The following SH3GL2 variants were observed in gnomAD, a reference collection of about 807,000 sequenced individuals.
SH3GL2 encodes SH3 domain containing GRB2 like 2, endophilin A1.
In SH3GL2, 24 loss-of-function variants were observed where a neutral mutation model predicts 46.0. That is an observed-to-expected ratio of 0.52 (90% CI 0.38 to 0.73). The LOEUF (loss-of-function observed/expected upper bound fraction) is 0.73. Ranked by LOEUF, SH3GL2 falls within the 30% of genes least tolerant of loss-of-function variation. The pLI, the probability that SH3GL2 is intolerant of heterozygous loss-of-function variation, is 0.00. For synonymous variants in SH3GL2, 196 were observed against 147.1 expected (o/e 1.33, Z -2.40); for missense variants, 413 against 424.2 (o/e 0.97, Z 0.23).
chr9:17,748,093 A>C (rs571670273), intron 2 of SH3GL2, among the ~76,000 whole-genome samples: 1 of 152,366 alleles, frequency 6.6e-6, no homozygotes, highest in South Asian at 2.1e-4. Flanking sequence ...GTTCTCAGCA[A>C]GTGAGGGTAG....
intron 2 of SH3GL2, among the ~76,000 whole-genome samples, chr9:17,756,447 G>GTA (rs1822990819): frequency 6.6e-6 from 1 of 150,732 alleles, no homozygotes; most frequent in African/African-American, 2.4e-5. Flanking sequence ...TTTACATTAG[G>GTA]TATATCTCCT....
intron 1 of SH3GL2, among the ~76,000 whole-genome samples, chr9:17,585,701 C>G (rs1818362691): frequency 6.6e-6 from 1 of 152,132 alleles, no homozygotes; most frequent in African/African-American, 2.4e-5. Context: ...CAGTGCAGTT[C>G]ACAGTGCGTT....
chr9:17,693,235 A>C (rs539795669), intron 1 of SH3GL2, among the ~76,000 whole-genome samples: 1 of 152,182 alleles, frequency 6.6e-6, no homozygotes, highest in African/African-American at 2.4e-5. Flanking sequence ...ATGTTTGGAC[A>C]CATGGATCAG....
intron 2 of SH3GL2, among the ~76,000 whole-genome samples, chr9:17,750,300 C>A (rs1822806508): frequency 6.6e-6 from 1 of 151,820 alleles, no homozygotes; most frequent in African/African-American, 2.4e-5. Flanking sequence ...CTTTGCTCAT[C>A]TGTATTCTCG....
intron 1 of SH3GL2, among the ~76,000 whole-genome samples, chr9:17,596,998 T>A (rs952830016): frequency 6.6e-6 from 1 of 152,288 alleles, no homozygotes; most frequent in African/African-American, 2.4e-5. Flanking sequence ...CTGAGATAAA[T>A]AATTTCTGTG....
At chr9:17,774,204 C>A (rs757722148) in intron 3 of SH3GL2, among the ~76,000 whole-genome samples, 1 of 152,054 alleles carries the variant, frequency 6.6e-6, no homozygotes, top group African/African-American at 2.4e-5. Context: ...TGTGGGAAAT[C>A]TTTAGAGATT....
chr9:17,762,286 C>A (rs958126532), intron 3 of SH3GL2, among the ~76,000 whole-genome samples: 4 of 151,376 alleles, frequency 2.6e-5, no homozygotes, highest in Non-Finnish European at 4.4e-5. Context: ...AGGCTAGTTT[C>A]TTTGCAAGTT....
rs1046528651 is a variant in SH3GL2, at chr9:17,651,646, T to A, written c.45+72359T>A. ...GTGATAAATTCTTTCTGCTTTTGTC[T>A]GTTTAAGGAAGTCTTTATTTTGCTT... is the stretch of plus-strand genomic sequence containing the variant. On this transcript the variant is annotated intron_variant, in intron 1 of 8. Coordinates refer to ENST00000380607, the MANE Select transcript of SH3GL2 (RefSeq NM_003026.5). 4.0e-4 allele frequency among the ~76,000 whole-genome samples: 61 copies of A among 152,344 alleles called. 1 individual carries two copies. The highest frequency in any genetic ancestry group is 7.1e-4 in the Non-Finnish European group (48 of 68,030).
At position 17,787,509 on chromosome 9, in the gene SH3GL2, T is replaced by C. The variant is rs758639212; in HGVS notation, c.461T>C (p.Ile154Thr). The change falls in exon 5 of 9, where the codon ATT becomes ACT. Residue 154 changes from isoleucine to threonine, a missense_variant. Ile to Thr is a moderately conservative substitution (Grantham distance 89). Coordinates refer to ENST00000380607, the MANE Select transcript of SH3GL2 (RefSeq NM_003026.5). ...CTTCATGACAAAGATCTTAGGGAAA[T>C]TCAAGTATGTACAATGAGTCTTCTG... ...QNLHDKDLREIQHHLKKLEGR... is the reference protein window; with the variant it reads ...QNLHDKDLRETQHHLKKLEGR... 5 of 1,612,314 alleles carry C rather than the reference T, an allele frequency of 3.1e-6. No individual in the cohort carries two copies. In the Admixed American group the frequency reaches 6.7e-5, roughly 22 times the overall value.
chr9:17,739,282 A>G (rs934402788), intron 1 of SH3GL2, among the ~76,000 whole-genome samples: 2 of 152,014 alleles, frequency 1.3e-5, no homozygotes, highest in African/African-American at 2.4e-5. Flanking sequence ...GAAATCCCAA[A>G]GTAATTATTA....
At chr9:17,655,319 C>G (rs1588209130) in intron 1 of SH3GL2, among the ~76,000 whole-genome samples, 2 of 151,982 alleles carry the variant, frequency 1.3e-5, no homozygotes, top group South Asian at 2.1e-4. Context: ...GTGTTTTGTC[C>G]CTCCCTCTTC....
At chr9:17,754,752 G>C (rs147401682) in intron 2 of SH3GL2, among the ~76,000 whole-genome samples, 1,563 of 152,264 alleles carry the variant, frequency 0.01, 26 homozygotes, top group African/African-American at 0.036. Context: ...TGTGGCAATT[G>C]TGAAGGAGAT....
rs368956071 is a variant in SH3GL2, at chr9:17,746,160, C to T, written c.46-906C>T. 8.5e-5 allele frequency among the ~76,000 whole-genome samples: 13 copies of T among 152,164 alleles called. No individual in the cohort carries two copies. In the South Asian group the frequency reaches 1.2e-3, roughly 15 times the overall value. On this transcript the variant is annotated intron_variant, in intron 1 of 8. Transcript: ENST00000380607. ...TGGGATCTCCGCTCACTGCAGGCTC[C>T]GCCCCGCTGTGTTCACACCATTCTC...
At chr9:17,742,426 T>G (rs999232834) in intron 1 of SH3GL2, among the ~76,000 whole-genome samples, 1 of 152,216 alleles carries the variant, frequency 6.6e-6, no homozygotes, top group Non-Finnish European at 1.5e-5. Context: ...GGAAAAAATA[T>G]AGCATAAGAC....
At chr9:17,745,137 T>C (rs1822644196) in intron 1 of SH3GL2, among the ~76,000 whole-genome samples, 1 of 152,214 alleles carries the variant, frequency 6.6e-6, no homozygotes, top group South Asian at 2.1e-4. Context: ...AATGTAGTAA[T>C]AATAAATGTT....
chr9:17,643,546 C>T (rs1310102656), intron 1 of SH3GL2, among the ~76,000 whole-genome samples: 1 of 152,090 alleles, frequency 6.6e-6, no homozygotes, highest in African/African-American at 2.4e-5. Context: ...GAGATATGTT[C>T]CATCAATACC....
chr9:17,606,046 T>G (rs918062560), intron 1 of SH3GL2, among the ~76,000 whole-genome samples: 1 of 152,056 alleles, frequency 6.6e-6, no homozygotes, highest in African/African-American at 2.4e-5. Context: ...ATTCTACCCT[T>G]GTCAACCTTG....
chr9:17,658,368 A>C (rs1465614418), intron 1 of SH3GL2, among the ~76,000 whole-genome samples: 3 of 152,336 alleles, frequency 2.0e-5, no homozygotes, highest in African/African-American at 7.2e-5. Context: ...GATTTCTTCC[A>C]GGGACATATT....
At position 17,635,493 on chromosome 9, in the gene SH3GL2, C is replaced by T. The variant is rs142169870; in HGVS notation, c.45+56206C>T. Among the ~76,000 whole-genome samples the T allele has an allele frequency of 6.6e-4, 100 of 152,246 alleles. 1 individual carries two copies. The highest frequency in any genetic ancestry group is 1.8e-3 in the African/African-American group (73 of 41,538). ...AAAGAAAGGTGTGGTGAGTTGAGCA[C>T]GTGGCTGACTCATTGAGGAGTCCTG... On this transcript the variant is annotated intron_variant, in intron 1 of 8. Coordinates refer to ENST00000380607, the MANE Select transcript of SH3GL2 (RefSeq NM_003026.5).
Sources: gnomAD v4.1 joint callset for allele counts (sites outside exome capture counted in the v4.1 genomes callset) on GRCh38, gnomAD v4.1.1 for gene constraint, MANE v1.5 for transcripts, NCBI Gene and HGNC (gene_info 2026-07-23, HGNC 2026-07-21) for gene names.